SAMD5: variants seen among roughly 807,000 people sequenced by gnomAD.
SAMD5 encodes sterile alpha motif domain-containing protein 5.
Under a neutral mutation model 11.3 loss-of-function variants are expected in SAMD5, and 13 were observed. That is an observed-to-expected ratio of 1.15 (90% CI 0.75 to 1.83). SAMD5 has a LOEUF of 1.83. SAMD5 is among the 40% of genes most tolerant of loss of function. SAMD5 has a pLI of 0.00. For missense variants in SAMD5, 255 were observed against 239.1 expected (o/e 1.07, Z -0.44); for synonymous variants, 129 against 111.3 (o/e 1.16, Z -1.00).
intron 1 of SAMD5, among the ~76,000 whole-genome samples, chr6:147,715,095 G>A (rs1007743401): frequency 1.3e-5 from 2 of 152,192 alleles, no homozygotes; most frequent in Non-Finnish European, 2.9e-5. Context: ...GGTGTCACGG[G>A]ATCTTTAGGG....
chr6:147,610,412 C>T (rs979637938), intron 1 of SAMD5, among the ~76,000 whole-genome samples: 5 of 152,272 alleles, frequency 3.3e-5, no homozygotes, highest in South Asian at 2.1e-4. Flanking sequence ...TGCCAGGCGA[C>T]GTTGTATGTA....
At chr6:147,588,966 T>C (rs1368869509) in intron 1 of SAMD5, among the ~76,000 whole-genome samples, 1 of 152,004 alleles carries the variant, frequency 6.6e-6, no homozygotes, top group Non-Finnish European at 1.5e-5. Context: ...ATTATTATTA[T>C]TATTATTATG....
intron 1 of SAMD5, among the ~76,000 whole-genome samples, chr6:147,583,706 G>C (rs1789333455): frequency 6.6e-6 from 1 of 152,024 alleles, no homozygotes; most frequent in African/African-American, 2.4e-5. Flanking sequence ...TTTATAACCT[G>C]TTGCCATTCT....
the SAMD5 span, among the ~76,000 whole-genome samples, chr6:147,877,833 T>C: frequency 7.7e-6 from 1 of 130,384 alleles, no homozygotes; most frequent in Non-Finnish European, 1.6e-5. Context: ...TTTCCCTCTC[T>C]CCTTTTATAT....
the SAMD5 span, among the ~76,000 whole-genome samples, chr6:147,945,447 A>G: frequency 3.6e-3 from 545 of 152,342 alleles, 3 homozygotes; most frequent in African/African-American, 0.012. Context: ...AACGTTATTT[A>G]TCCGTGTATA....
chr6:147,951,354 G>T, the SAMD5 span, among the ~76,000 whole-genome samples: 1 of 151,836 alleles, frequency 6.6e-6, no homozygotes, highest in Non-Finnish European at 1.5e-5. Context: ...GCTAATTTTT[G>T]TATTTTTAGT....
chr6:147,796,566 A>G, the SAMD5 span, among the ~76,000 whole-genome samples: 1 of 152,158 alleles, frequency 6.6e-6, no homozygotes, highest in Non-Finnish European at 1.5e-5. Context: ...TTTTGGTTCC[A>G]TATGAACTTT....
At chr6:147,719,086 C>T (rs756064846) in intron 1 of SAMD5, among the ~76,000 whole-genome samples, 1 of 152,166 alleles carries the variant, frequency 6.6e-6, no homozygotes, top group South Asian at 2.1e-4. Context: ...GTGGATCCCA[C>T]GCTGCTGAGT....
chr6:147,752,671 T>A, the SAMD5 span, among the ~76,000 whole-genome samples: 1 of 152,174 alleles, frequency 6.6e-6, no homozygotes, highest in Non-Finnish European at 1.5e-5. Flanking sequence ...TTATGTCATA[T>A]TTCCCTGAAA....
intron 1 of SAMD5, among the ~76,000 whole-genome samples, chr6:147,681,266 C>G (rs1469954609): frequency 6.6e-6 from 1 of 152,054 alleles, no homozygotes; most frequent in East Asian, 1.9e-4. Context: ...TTAGATAGTT[C>G]CTGTTGCTAC....
Position 147,541,338 on chromosome 6 carries a change from G to T in SAMD5, c.460-23056G>T, listed in dbSNP as rs73787092. 9.4e-3 allele frequency among the ~76,000 whole-genome samples: 1,424 copies of T among 152,206 alleles called. 20 individuals are homozygous for T. The highest frequency in any genetic ancestry group is 0.032 in the African/African-American group (1,345 of 41,520). On this transcript the variant is annotated intron_variant, in intron 1 of 1. Transcript: ENST00000367474. ...TTAATTTGCAAGATGCTGCCCAGTG[G>T]GCTGCAGGGGAGATCAAATTAACAT...
the SAMD5 span, among the ~76,000 whole-genome samples, chr6:147,745,447 A>G: frequency 6.6e-6 from 1 of 152,254 alleles, no homozygotes; most frequent in African/African-American, 2.4e-5. Context: ...CTCAATCTTT[A>G]CAACAACTTG....
the SAMD5 span, among the ~76,000 whole-genome samples, chr6:147,816,301 A>AAAAAAATATATATAT: frequency 9.5e-4 from 63 of 66,314 alleles, no homozygotes; most frequent in African/African-American, 4.8e-3. Context: ...AAAAAAAAAA[A>AAAAAAATATATATAT]ATATATATAT....
intron 1 of SAMD5, among the ~76,000 whole-genome samples, chr6:147,530,713 A>G (rs944986367): frequency 1.3e-5 from 2 of 152,228 alleles, no homozygotes; most frequent in African/African-American, 4.8e-5. Flanking sequence ...TGAAAAGAAG[A>G]GAGCAAAGGT....
At chr6:147,672,081 A>T (rs1293278363) in intron 1 of SAMD5, among the ~76,000 whole-genome samples, 1 of 151,822 alleles carries the variant, frequency 6.6e-6, no homozygotes, top group Non-Finnish European at 1.5e-5. Context: ...AACATGGTTA[A>T]CCTCTCTACT....
chr6:147,673,295 G>T (rs1790820277), intron 1 of SAMD5, among the ~76,000 whole-genome samples: 1 of 151,680 alleles, frequency 6.6e-6, no homozygotes, highest in South Asian at 2.1e-4. Flanking sequence ...CTCACTGCAA[G>T]CTCCGCCTCC....
At chr6:147,652,588 G>T (rs574457963) in intron 1 of SAMD5, among the ~76,000 whole-genome samples, 1 of 152,258 alleles carries the variant, frequency 6.6e-6, no homozygotes, top group South Asian at 2.1e-4. Context: ...CAGGAGACTG[G>T]ACTGGCTGGC....
rs13201504 is a variant in SAMD5, at chr6:147,582,953, C to T, written c.162+73566C>T. Among the ~76,000 whole-genome samples the T allele has an allele frequency of 1.2e-3, 188 of 152,306 alleles. 1 individual carries two copies. Among genetic ancestry groups the T allele is most frequent in the Non-Finnish European group, 2.0e-3 (135 of 68,038 alleles). On this transcript the variant is annotated intron_variant, in intron 1 of 1. Coordinates refer to the SAMD5 transcript ENST00000566741. ...TGACCTTTGCAGGTCCTAGAAAACA[C>T]ATGTGTTTCAGGCACATGGAGTGTG...
At chr6:147,779,395 A>T in the SAMD5 span, among the ~76,000 whole-genome samples, 2 of 152,136 alleles carry the variant, frequency 1.3e-5, no homozygotes, top group African/African-American at 4.8e-5. Context: ...TGACCACAGA[A>T]CTTTAAAAAT....
Sources: gnomAD v4.1 joint callset for allele counts (sites outside exome capture counted in the v4.1 genomes callset) on GRCh38, gnomAD v4.1.1 for gene constraint, MANE v1.5 for transcripts, NCBI Gene and HGNC (gene_info 2026-07-23, HGNC 2026-07-21) for gene names.